THEMIS: variants seen among roughly 807,000 people sequenced by gnomAD.
The protein encoded by THEMIS is protein THEMIS.
In THEMIS, 37 loss-of-function variants were observed where a neutral mutation model predicts 52.6. The observed-to-expected ratio is 0.70, with a 90% CI of 0.54 to 0.93. The LOEUF (loss-of-function observed/expected upper bound fraction) is 0.93, where lower values mean the gene tolerates loss of function less well. Among genes scored for constraint, THEMIS ranks in the 40% least tolerant of loss-of-function variants. The probability of loss-of-function intolerance (pLI) is 0.00; values close to 1 mark genes in which losing one functional copy is unlikely to be tolerated. For synonymous variants in THEMIS, 292 were observed against 272.7 expected (o/e 1.07, Z -0.70); for missense variants, 808 against 763.1 (o/e 1.06, Z -0.69).
In THEMIS at chr6:127,813,294, G is replaced by C. The variant is rs1282052362; in HGVS notation, c.1347C>G (p.Leu449=). 3.7e-6 allele frequency: 6 copies of C among 1,614,046 alleles called. No homozygotes were observed. The highest frequency in any genetic ancestry group is 1.3e-5 in the African/African-American group (1 of 74,916). ...TGAAGGGCAAACGGAACTGTTTACAGAGCTCAGAAATCGGGTACTGTTTCT... is the reference window on the plus strand; with the variant it reads ...TGAAGGGCAAACGGAACTGTTTACACAGCTCAGAAATCGGGTACTGTTTCT... The part of the protein sequence containing the change: ...HDKKQYPISE[L]CKQFRLPFNV... Residue 449 remains leucine (L), a synonymous_variant, in exon 4 of 6, where the codon CTC becomes CTG. Coordinates refer to ENST00000368248, the MANE Select transcript of THEMIS (RefSeq NM_001010923.3).
rs1378346191 is a variant in THEMIS at position 127,855,101 on chromosome 6, A to T, written c.179T>A (p.Ile60Lys). Residue 60 changes from isoleucine (I) to lysine (K), a missense_variant, in exon 2 of 6, where the codon ATA becomes AAA. Coordinates refer to ENST00000368248, the MANE Select transcript of THEMIS (RefSeq NM_001010923.3). ...KITGLKVKKI[I>K]AEICEQIEGC... ...TTCAATCTGCTCACAAATTTCAGCT[A>T]TGATCTTCTTAACTTTGAGACCAGT... 6.2e-7 allele frequency: 1 copy of T among 1,611,470 alleles called. No homozygotes were observed. The highest frequency in any genetic ancestry group is 1.1e-5 in the South Asian group (1 of 90,920).
At chr6:127,730,819 A>G (rs1392529050) in intron 4 of THEMIS, among the ~76,000 whole-genome samples, 1 of 152,182 alleles carries the variant, frequency 6.6e-6, no homozygotes, top group Non-Finnish European at 1.5e-5. Context: ...GGGCCAGCTC[A>G]AGTGTGTATG....
chr6:127,860,166 T>G (rs1394534962), intron 1 of THEMIS, among the ~76,000 whole-genome samples: 1 of 152,126 alleles, frequency 6.6e-6, no homozygotes, highest in Non-Finnish European at 1.5e-5. Flanking sequence ...CACAAAGAGA[T>G]GGTCTGCATT....
At chr6:127,725,106 T>TA (rs952401659) in intron 4 of THEMIS, among the ~76,000 whole-genome samples, 5 of 151,970 alleles carry the variant, frequency 3.3e-5, no homozygotes, top group African/African-American at 4.8e-5. Context: ...TTTTACTTTG[T>TA]AAAAAAATCA....
intron 5 of THEMIS, among the ~76,000 whole-genome samples, chr6:127,717,739 C>A (rs912094032): frequency 6.6e-6 from 1 of 151,674 alleles, no homozygotes; most frequent in African/African-American, 2.4e-5. Context: ...AAGGTTCCAC[C>A]CCATGTAACT....
intron 4 of THEMIS, among the ~76,000 whole-genome samples, chr6:127,734,618 C>A (rs1171529041): frequency 2.0e-5 from 3 of 151,824 alleles, no homozygotes; most frequent in African/African-American, 7.3e-5. Context: ...CGCCTGTAAT[C>A]CTAGCACTTT....
intron 5 of THEMIS, among the ~76,000 whole-genome samples, chr6:127,710,305 T>C (rs1235390457): frequency 2.0e-5 from 3 of 152,022 alleles, no homozygotes; most frequent in Non-Finnish European, 2.9e-5. Context: ...GCGTTTCAGT[T>C]CATCCTTATA....
chr6:127,766,315 T>C (rs1369490194), intron 4 of THEMIS, among the ~76,000 whole-genome samples: 1 of 152,212 alleles, frequency 6.6e-6, no homozygotes, highest in African/African-American at 2.4e-5. Flanking sequence ...ATTGATGTTG[T>C]AACCAACAGT....
intron 4 of THEMIS, among the ~76,000 whole-genome samples, chr6:127,731,692 T>A (rs1774802205): frequency 7.3e-6 from 1 of 137,854 alleles, no homozygotes; most frequent in South Asian, 2.2e-4. Context: ...TCTTTATTGC[T>A]ACTTTTTTTT....
Position 127,772,236 on chromosome 6 carries a change from T to A in THEMIS, c.1758+40647A>T, listed in dbSNP as rs183438771. Among the ~76,000 whole-genome samples, 331 of 152,136 alleles carry A rather than the reference T, an allele frequency of 2.2e-3. 1 individual carries two copies. Among genetic ancestry groups the A allele is most frequent in the African/African-American group, 7.9e-3 (327 of 41,542 alleles). ...TAAGACAGATAATGTTAAGTGGAAT[T>A]GCTAGGTCAAAAAGTACACATACAA... is the stretch of plus-strand genomic sequence containing the variant. On this transcript the variant is annotated intron_variant, in intron 4 of 5. Coordinates refer to ENST00000368248, the MANE Select transcript of THEMIS (RefSeq NM_001010923.3).
chr6:127,867,805 G>A (rs983042928), intron 1 of THEMIS, among the ~76,000 whole-genome samples: 4 of 151,928 alleles, frequency 2.6e-5, no homozygotes, highest in Non-Finnish European at 2.9e-5. Flanking sequence ...TTGTCTTATC[G>A]AGGAAAAATG....
intron 4 of THEMIS, among the ~76,000 whole-genome samples, chr6:127,764,619 G>A (rs1361456092): frequency 6.6e-6 from 1 of 151,938 alleles, no homozygotes; most frequent in Non-Finnish European, 1.5e-5. Flanking sequence ...TCCAAGACAG[G>A]TGTTGCATGC....
chr6:127,759,622 C>T (rs1220712006), intron 4 of THEMIS, among the ~76,000 whole-genome samples: 4 of 152,126 alleles, frequency 2.6e-5, no homozygotes, highest in Non-Finnish European at 5.9e-5. Flanking sequence ...CATTGAATTA[C>T]GTTGACTCTG....
intron 1 of THEMIS, among the ~76,000 whole-genome samples, chr6:127,872,724 G>A (rs1177478573): frequency 6.6e-6 from 1 of 152,054 alleles, no homozygotes; most frequent in Non-Finnish European, 1.5e-5. Flanking sequence ...CCTAAGATCA[G>A]AAACAAGTCC....
At chr6:127,836,975 G>T (rs980231154) in intron 2 of THEMIS, among the ~76,000 whole-genome samples, 3 of 152,128 alleles carry the variant, frequency 2.0e-5, no homozygotes, top group Admixed American at 1.3e-4. Flanking sequence ...TTCAGAGATT[G>T]ACCCAGACAG....
At chr6:127,735,932 T>C (rs1774989859) in intron 4 of THEMIS, among the ~76,000 whole-genome samples, 1 of 152,210 alleles carries the variant, frequency 6.6e-6, no homozygotes, top group Admixed American at 6.5e-5. Flanking sequence ...TTCATGAAAC[T>C]ACATAAATTA....
At chr6:127,781,749 CT>C (rs1776751897) in intron 4 of THEMIS, among the ~76,000 whole-genome samples, 1 of 152,132 alleles carries the variant, frequency 6.6e-6, no homozygotes, top group Non-Finnish European at 1.5e-5. Flanking sequence ...AGATTGTTGC[CT>C]GTTCCTTCCT....
At chr6:127,893,440 AT>A (rs1163029790) in intron 1 of THEMIS, among the ~76,000 whole-genome samples, 1 of 152,128 alleles carries the variant, frequency 6.6e-6, no homozygotes, top group African/African-American at 2.4e-5. Flanking sequence ...GATAAAACCT[AT>A]TTTTTGTAAC....
downstream of THEMIS, among the ~76,000 whole-genome samples, chr6:127,706,177 A>C (rs2114436281): frequency 6.6e-6 from 1 of 152,026 alleles, no homozygotes; most frequent in East Asian, 1.9e-4. Context: ...AAACTAAAAA[A>C]CCTTGATGTA....
Sources: gnomAD v4.1 joint callset for allele counts (sites outside exome capture counted in the v4.1 genomes callset) on GRCh38, gnomAD v4.1.1 for gene constraint, MANE v1.5 for transcripts, NCBI Gene and HGNC (gene_info 2026-07-23, HGNC 2026-07-21) for gene names.